The following ARHGAP15 variants were observed in gnomAD, a reference collection of about 807,000 sequenced individuals.
ARHGAP15 encodes rho GTPase-activating protein 15.
A neutral mutation model predicts 63.7 loss-of-function variants in ARHGAP15; 51 were observed. The observed-to-expected ratio is 0.80, with a 90% CI of 0.64 to 1.01. The LOEUF is 1.01. Among genes scored for constraint, ARHGAP15 ranks in the 50% least tolerant of loss-of-function variants. The pLI is 0.00. For missense variants in ARHGAP15, 560 were observed against 564.6 expected, an observed-to-expected ratio of 0.99 and a Z score of 0.08; for synonymous variants, 191 against 193.8, an observed-to-expected ratio of 0.99 and a Z score of 0.12.
At chr2:143,553,810 G>A (rs1695674544) in intron 10 of ARHGAP15, among the ~76,000 whole-genome samples, 1 of 152,110 alleles carries the variant, frequency 6.6e-6, no homozygotes, top group South Asian at 2.1e-4. Flanking sequence ...TGGATACAGG[G>A]AATTTCATCA....
At chr2:143,328,171 G>A (rs777174895) in intron 6 of ARHGAP15, among the ~76,000 whole-genome samples, 47 of 152,296 alleles carry the variant, frequency 3.1e-4, no homozygotes, top group African/African-American at 1.1e-3. Context: ...CAACCATTGT[G>A]GAAGACAGTG....
At chr2:143,413,998 C>A (rs1199342867) in intron 6 of ARHGAP15, among the ~76,000 whole-genome samples, 1 of 143,470 alleles carries the variant, frequency 7.0e-6, no homozygotes. Flanking sequence ...TAATCTGAAG[C>A]TAGTCAGCCA....
intron 1 of ARHGAP15, among the ~76,000 whole-genome samples, chr2:143,152,213 C>G (rs897350465): frequency 2.0e-5 from 3 of 151,988 alleles, no homozygotes; most frequent in Non-Finnish European, 2.9e-5. Context: ...GCTACCTTCT[C>G]TATGAAATCC....
intron 12 of ARHGAP15, among the ~76,000 whole-genome samples, chr2:143,628,334 G>A (rs916023357): frequency 1.3e-5 from 2 of 152,256 alleles, no homozygotes; most frequent in Middle Eastern, 6.8e-3. Flanking sequence ...CCTTTTGGAT[G>A]TATACCCAGT....
chr2:143,407,130 A>G (rs892519088), intron 6 of ARHGAP15, among the ~76,000 whole-genome samples: 4 of 151,978 alleles, frequency 2.6e-5, no homozygotes, highest in African/African-American at 9.7e-5. Context: ...TTTTCTGAAT[A>G]TTGAAAGTTT....
intron 6 of ARHGAP15, among the ~76,000 whole-genome samples, chr2:143,271,545 G>C (rs1194325983): frequency 3.3e-5 from 5 of 152,194 alleles, no homozygotes; most frequent in Non-Finnish European, 5.9e-5. Context: ...GCGCGATCTC[G>C]TCTCACTGCA....
At chr2:143,714,408 G>A (rs955043891) in intron 13 of ARHGAP15, among the ~76,000 whole-genome samples, 2 of 152,224 alleles carry the variant, frequency 1.3e-5, no homozygotes, top group Non-Finnish European at 2.9e-5. Flanking sequence ...CTGGGCCTGT[G>A]ATGGGAGGGG....
At chr2:143,649,668 C>G (rs887995095) in intron 12 of ARHGAP15, among the ~76,000 whole-genome samples, 2 of 151,962 alleles carry the variant, frequency 1.3e-5, no homozygotes, top group Non-Finnish European at 2.9e-5. Flanking sequence ...TGCTCTCCAG[C>G]AGATGTAGTC....
intron 9 of ARHGAP15, among the ~76,000 whole-genome samples, chr2:143,517,350 G>A (rs1693866392): frequency 6.6e-6 from 1 of 152,136 alleles, no homozygotes; most frequent in South Asian, 2.1e-4. Flanking sequence ...TGAAAATTAT[G>A]ATTCATTGAA....
intron 11 of ARHGAP15, among the ~76,000 whole-genome samples, chr2:143,586,052 A>G (rs1442674605): frequency 6.6e-6 from 1 of 152,154 alleles, no homozygotes; most frequent in African/African-American, 2.4e-5. Flanking sequence ...ATAAAATAAT[A>G]TATCTATATT....
chr2:143,153,777 ATCTTCTTCTTCTTCTTCTTCT>A (rs1175995548), intron 1 of ARHGAP15, among the ~76,000 whole-genome samples: 22 of 85,252 alleles, frequency 2.6e-4, no homozygotes, highest in African/African-American at 9.5e-4. Flanking sequence ...TATATAATAA[ATCTTCTTCTTCTTCTTCTTCT>A]TCTTCTTCTT....
intron 9 of ARHGAP15, among the ~76,000 whole-genome samples, chr2:143,499,606 TG>T (rs762281692): frequency 2.0e-5 from 3 of 152,178 alleles, no homozygotes; most frequent in Non-Finnish European, 2.9e-5. Context: ...TTTGATGAAG[TG>T]GGTTTCTATT....
intron 9 of ARHGAP15, among the ~76,000 whole-genome samples, chr2:143,495,194 C>A (rs990969267): frequency 3.9e-5 from 6 of 151,996 alleles, no homozygotes; most frequent in African/African-American, 1.4e-4. Context: ...TCTTGCCTTT[C>A]TTATTTTTAT....
chr2:143,258,813 G>GGTAA (rs1680558146), intron 6 of ARHGAP15, among the ~76,000 whole-genome samples: 2 of 152,126 alleles, frequency 1.3e-5, no homozygotes, highest in Non-Finnish European at 2.9e-5. Context: ...AGAGCTATTA[G>GGTAA]ATTCTTGACC....
chr2:143,277,661 A>G (rs1235127710), intron 6 of ARHGAP15, among the ~76,000 whole-genome samples: 1 of 152,048 alleles, frequency 6.6e-6, no homozygotes, highest in Admixed American at 6.6e-5. Context: ...CACAACACCC[A>G]TTTTAATCAG....
chr2:143,444,474 G>A (rs1276183127), intron 8 of ARHGAP15, among the ~76,000 whole-genome samples: 2 of 152,188 alleles, frequency 1.3e-5, no homozygotes, highest in Non-Finnish European at 2.9e-5. Flanking sequence ...TAAGGTGTTT[G>A]TACAGTGAAT....
chr2:143,188,566 G>C (rs529088362), intron 2 of ARHGAP15, among the ~76,000 whole-genome samples: 31 of 150,878 alleles, frequency 2.1e-4, no homozygotes, highest in African/African-American at 6.6e-4. Context: ...GTAACTTCTT[G>C]TTGCCATGTT....
At chr2:143,561,441 TTC>T (rs909381983) in intron 11 of ARHGAP15, among the ~76,000 whole-genome samples, 69 of 152,322 alleles carry the variant, frequency 4.5e-4, no homozygotes, top group African/African-American at 1.6e-3. Context: ...GTTACAAATA[TTC>T]TCTCTGTTTT....
At chr2:143,480,635 G>T (rs1025317739) in intron 8 of ARHGAP15, 6 of 152,150 alleles carry the variant, frequency 3.9e-5, no homozygotes, top group African/African-American at 7.2e-5. Flanking sequence ...TTTTCAGGCT[G>T]CAAGTTGGGG....
Sources: allele counts gnomAD v4.1 joint callset (sites outside exome capture counted in the v4.1 genomes callset), GRCh38; gene constraint gnomAD v4.1.1; transcripts MANE v1.5; gene names NCBI Gene and HGNC (gene_info 2026-07-23, HGNC 2026-07-21).